The following NUSAP1 variants were observed in gnomAD, a reference collection of about 807,000 sequenced individuals.
NUSAP1 encodes the protein nucleolar and spindle associated protein 1, also known as nucleolar and spindle-associated protein 1.
NUSAP1 carries 32 observed loss-of-function variants against 52.8 expected under a neutral mutation model. The observed-to-expected ratio is 0.61, with a 90% CI of 0.46 to 0.81. NUSAP1 has a LOEUF of 0.81. Among genes scored for constraint, NUSAP1 ranks in the 40% least tolerant of loss-of-function variants. The pLI is 0.00. For synonymous variants in NUSAP1, 195 were observed against 183.1 expected (o/e 1.06, Z -0.52); for missense variants, 499 against 522.3 (o/e 0.96, Z 0.43).
At chr15:41,377,938 C>T (rs1342244880) in intron 10 of NUSAP1, among the ~76,000 whole-genome samples, 1 of 151,232 alleles carries the variant, frequency 6.6e-6, no homozygotes, top group Non-Finnish European at 1.5e-5. Flanking sequence ...TACAGTGAGC[C>T]GAGATCACGC....
Position 41,334,934 on chromosome 15 carries a change from AAG to A in NUSAP1, c.93+1889_93+1890del, listed in dbSNP as rs540403804. ...ATTTGCTGTAAAATACTCAAGGAAA[AAG>A]AGAGGGAAACTAGATGAAGTAAGAA... On this transcript the variant is annotated intron_variant, in intron 1 of 10. Transcript: ENST00000559596. Among the ~76,000 whole-genome samples the A allele has an allele frequency of 5.9e-5, 9 of 152,296 alleles. 1 individual carries two copies. Among genetic ancestry groups the A allele is most frequent in the South Asian group, 2.1e-4 (1 of 4,826 alleles).
intron 7 of NUSAP1, among the ~76,000 whole-genome samples, chr15:41,366,911 C>T (rs1165800344): frequency 6.6e-6 from 1 of 152,220 alleles, no homozygotes; most frequent in Non-Finnish European, 1.5e-5. Context: ...TAGGTCTTAG[C>T]GTGTCATTTA....
Position 41,365,580 on chromosome 15 carries a change from C to T in NUSAP1, c.839C>T (p.Thr280Met), listed in dbSNP as rs201183520. 81 of 1,593,596 alleles carry T rather than the reference C, an allele frequency of 5.1e-5. No homozygotes were observed. The South Asian group carries it at 6.8e-4, about 13-fold the overall frequency. The change falls in exon 7 of 11, where the codon ACG becomes ATG. Residue 280 changes from threonine (T) to methionine (M), a missense_variant. Coordinates refer to ENST00000559596, the MANE Select transcript of NUSAP1 (RefSeq NM_016359.5). ...CGCTCTGCTATCTCTGCAGCTAAAA[C>T]GGGTGTCAGGTAAAGAAATCACTCC... The part of the protein sequence containing the change: ...LKRSAISAAK[T>M]GVRFSAATKD...
At chr15:41,337,125 T>A (rs2048186582) in intron 1 of NUSAP1, among the ~76,000 whole-genome samples, 1 of 143,988 alleles carries the variant, frequency 6.9e-6, no homozygotes, top group Admixed American at 7.2e-5. Context: ...CAAGCAATCC[T>A]CCCACCGCAG....
At chr15:41,343,101 A>G (rs2048423980) in intron 2 of NUSAP1, 1 of 152,216 alleles carries the variant, frequency 6.6e-6, no homozygotes, top group Non-Finnish European at 1.5e-5. Flanking sequence ...ACCAGCTCTC[A>G]TTTATTTCTC....
chr15:41,337,299 G>A (rs977586679), intron 1 of NUSAP1, among the ~76,000 whole-genome samples: 6 of 152,076 alleles, frequency 3.9e-5, no homozygotes, highest in African/African-American at 1.2e-4. Flanking sequence ...GATTACAGGC[G>A]TGAGACCCTA....
intron 1 of NUSAP1, among the ~76,000 whole-genome samples, chr15:41,333,992 T>A (rs572729034): frequency 6.6e-6 from 1 of 152,360 alleles, no homozygotes; most frequent in South Asian, 2.1e-4. Flanking sequence ...GTTTTATATA[T>A]TTTGTTAATA....
At chr15:41,348,879 C>T (rs564101501) in intron 2 of NUSAP1, among the ~76,000 whole-genome samples, 2 of 151,424 alleles carry the variant, frequency 1.3e-5, no homozygotes, top group South Asian at 2.1e-4. Flanking sequence ...GTGATCCACT[C>T]GCCTCGGTCT....
At chr15:41,377,360 T>C in intron 10 of NUSAP1, 56 bp downstream of exon 10, 1 of 932,914 alleles carries the variant, frequency 1.1e-6, no homozygotes, top group Non-Finnish European at 1.6e-6. Context: ...GCAGCACCTC[T>C]GAGGGATAGG....
rs1466495431 is a variant in NUSAP1, at chr15:41,332,939, G to C, written c.-19G>C. The stretch of plus-strand genomic sequence containing the variant: ...TTTGGTGATCCATCTTCCGAGTATC[G>C]CCGGGATTTCGAATCGCGATGATCA... On this transcript the variant is annotated 5_prime_UTR_variant, in exon 1 of 11. Transcript: ENST00000559596. The C allele has an allele frequency of 1.9e-6, 3 of 1,587,458 alleles. No homozygotes were observed. Among genetic ancestry groups the C allele is most frequent in the Non-Finnish European group, 1.7e-6 (2 of 1,162,004 alleles).
intron 1 of NUSAP1, among the ~76,000 whole-genome samples, chr15:41,335,272 A>ATGTT (rs1555425966): frequency 3.4e-5 from 5 of 145,352 alleles, no homozygotes; most frequent in African/African-American, 1.0e-4. Context: ...AGTATATACT[A>ATGTT]TATATATTAT....
rs549035296 is a variant in NUSAP1, at chr15:41,364,618, A to G, written c.661-784A>G. ...CACAGTGGCTCACGCCTGTAATCCA[A>G]ACACTTTGGGACACCAAGGCAGGCA... On this transcript the variant is annotated intron_variant, in intron 6 of 10. Transcript: ENST00000559596. 4.6e-5 allele frequency among the ~76,000 whole-genome samples: 7 copies of G among 152,140 alleles called. No homozygotes were observed. In the South Asian group the frequency reaches 1.2e-3, roughly 27 times the overall value.
intron 7 of NUSAP1, chr15:41,365,864 G>T (rs545683167): frequency 3.9e-5 from 7 of 181,750 alleles, no homozygotes; most frequent in Admixed American, 1.8e-4. Flanking sequence ...GGGACTACAG[G>T]TACGTGCCAC....
At chr15:41,355,253 A>G in intron 4 of NUSAP1, among the ~76,000 whole-genome samples, 1 of 150,272 alleles carries the variant, frequency 6.7e-6, no homozygotes, top group Non-Finnish European at 1.5e-5. Flanking sequence ...GCTCACTGCA[A>G]CCTCCACCTC....
intron 1 of NUSAP1, among the ~76,000 whole-genome samples, chr15:41,335,600 AATACT>A (rs2048091879): frequency 7.2e-6 from 1 of 138,758 alleles, no homozygotes; most frequent in Non-Finnish European, 1.5e-5. Flanking sequence ...AATAAATATA[AATACT>A]ATACTTAATA....
chr15:41,334,611 C>T (rs2048050499), intron 1 of NUSAP1, among the ~76,000 whole-genome samples: 1 of 152,208 alleles, frequency 6.6e-6, no homozygotes, highest in Admixed American at 6.5e-5. Flanking sequence ...AAGGCTGCAT[C>T]CCTGAACACT....
chr15:41,347,700 A>G (rs2048627583), intron 2 of NUSAP1, among the ~76,000 whole-genome samples: 2 of 151,558 alleles, frequency 1.3e-5, no homozygotes, highest in Admixed American at 6.6e-5. Context: ...TGTAGTCCCA[A>G]CTACTCAAGA....
intron 10 of NUSAP1, 99 bp from the exon 11 acceptor site, chr15:41,379,994 T>C (rs2140895192): frequency 1.3e-6 from 1 of 777,384 alleles, no homozygotes; most frequent in South Asian, 1.7e-5. Flanking sequence ...ATGCTGGATG[T>C]CATTGCTTGG....
At chr15:41,354,638 C>T (rs2048894874) in intron 4 of NUSAP1, among the ~76,000 whole-genome samples, 1 of 150,260 alleles carries the variant, frequency 6.7e-6, no homozygotes, top group African/African-American at 2.5e-5. Flanking sequence ...ATATTATGTT[C>T]ATAATAAAAA....
Sources: gnomAD v4.1 joint callset for allele counts (sites outside exome capture counted in the v4.1 genomes callset) on GRCh38, gnomAD v4.1.1 for gene constraint, MANE v1.5 for transcripts, NCBI Gene and HGNC (gene_info 2026-07-23, HGNC 2026-07-21) for gene names.